The following CSMD1 variants were observed in gnomAD, a reference collection of about 807,000 sequenced individuals.
CSMD1 encodes CUB and Sushi multiple domains 1, also known as CUB and sushi domain-containing protein 1.
Under a neutral mutation model 417.5 loss-of-function variants are expected in CSMD1, and 213 were observed. The observed-to-expected ratio is 0.51, with a 90% CI of 0.46 to 0.57. The LOEUF (loss-of-function observed/expected upper bound fraction) is 0.57, where lower values mean the gene tolerates loss of function less well. Ranked by LOEUF, CSMD1 falls within the 20% of genes least tolerant of loss-of-function variation. The pLI, the probability that CSMD1 is intolerant of heterozygous loss-of-function variation, is 0.00. For missense variants in CSMD1, 6,923 were observed against 4,529.7 expected (o/e 1.53, Z -15.17); for synonymous variants, 2,862 against 1,736.8 (o/e 1.65, Z -16.11).
chr8:3,001,647 G>A (rs1353638484), intron 52 of CSMD1, among the ~76,000 whole-genome samples: 1 of 152,202 alleles, frequency 6.6e-6, no homozygotes, highest in African/African-American at 2.4e-5. Context: ...GCAATAAAGT[G>A]AGAGTACCCG....
intron 2 of CSMD1, among the ~76,000 whole-genome samples, chr8:4,496,611 C>T (rs62479715): frequency 6.6e-6 from 1 of 152,062 alleles, no homozygotes; most frequent in African/African-American, 2.4e-5. Context: ...TATTGTTATT[C>T]CTGGTTTGTT....
intron 7 of CSMD1, among the ~76,000 whole-genome samples, chr8:3,629,395 T>C (rs964773678): frequency 6.6e-6 from 1 of 152,218 alleles, no homozygotes; most frequent in Non-Finnish European, 1.5e-5. Context: ...CATATAGTTA[T>C]TGTTGGAAAT....
At chr8:3,192,744 C>A (rs1796497358) in intron 33 of CSMD1, among the ~76,000 whole-genome samples, 1 of 152,140 alleles carries the variant, frequency 6.6e-6, no homozygotes, top group African/African-American at 2.4e-5. Flanking sequence ...ATTTGTCCAT[C>A]ACAGGAGGTC....
At chr8:4,768,684 G>A (rs982756329) in intron 1 of CSMD1, among the ~76,000 whole-genome samples, 2 of 152,150 alleles carry the variant, frequency 1.3e-5, no homozygotes, top group African/African-American at 2.4e-5. Context: ...AGGTGTTGGC[G>A]TTCCCAAACA....
At chr8:4,807,727 C>G (rs552859609) in intron 1 of CSMD1, among the ~76,000 whole-genome samples, 1 of 152,226 alleles carries the variant, frequency 6.6e-6, no homozygotes, top group South Asian at 2.1e-4. Context: ...AAAAATACTA[C>G]CTGTAGTCTT....
At chr8:4,374,037 C>T (rs778009856) in intron 3 of CSMD1, among the ~76,000 whole-genome samples, 7 of 152,108 alleles carry the variant, frequency 4.6e-5, no homozygotes, top group Admixed American at 3.3e-4. Context: ...AGTAAAAATA[C>T]GTGATCAAAT....
chr8:3,044,837 T>C (rs1257415040), intron 50 of CSMD1, among the ~76,000 whole-genome samples: 5 of 152,208 alleles, frequency 3.3e-5, no homozygotes, highest in Non-Finnish European at 7.3e-5. Flanking sequence ...CTGATCTACA[T>C]ATTACTGCAA....
intron 10 of CSMD1, among the ~76,000 whole-genome samples, chr8:3,537,771 A>C (rs117741756): frequency 6.6e-6 from 1 of 152,218 alleles, no homozygotes; most frequent in Non-Finnish European, 1.5e-5. Context: ...TAAAACAAGA[A>C]CACTTCACCA....
At chr8:4,247,072 G>A (rs916026292) in intron 3 of CSMD1, among the ~76,000 whole-genome samples, 6 of 152,226 alleles carry the variant, frequency 3.9e-5, no homozygotes, top group East Asian at 1.9e-4. Context: ...ACATCCAAGG[G>A]CTACCCCATG....
intron 1 of CSMD1, among the ~76,000 whole-genome samples, chr8:4,770,092 T>G (rs1407429181): frequency 6.6e-6 from 1 of 151,796 alleles, no homozygotes; most frequent in Non-Finnish European, 1.5e-5. Context: ...AGATACTTCA[T>G]GCTCATAGAT....
chr8:3,846,602 A>C (rs957772180), intron 5 of CSMD1, among the ~76,000 whole-genome samples: 1 of 152,190 alleles, frequency 6.6e-6, no homozygotes, highest in South Asian at 2.1e-4. Flanking sequence ...AATATTCACA[A>C]ACATTAGCAG....
intron 1 of CSMD1, among the ~76,000 whole-genome samples, chr8:4,936,071 T>G (rs1409680010): frequency 2.0e-5 from 3 of 152,214 alleles, no homozygotes; most frequent in Non-Finnish European, 2.9e-5. Flanking sequence ...AAAGGGAAAT[T>G]GAAATCATCA....
At chr8:4,323,631 T>G (rs995843441) in intron 3 of CSMD1, among the ~76,000 whole-genome samples, 13 of 151,848 alleles carry the variant, frequency 8.6e-5, no homozygotes, top group African/African-American at 3.1e-4. Context: ...CCAGAAGACA[T>G]AAGGAGAAAA....
chr8:4,402,255 A>G (rs1220883304), intron 3 of CSMD1, among the ~76,000 whole-genome samples: 2 of 151,974 alleles, frequency 1.3e-5, no homozygotes, highest in Admixed American at 1.3e-4. Context: ...GGAACATCAT[A>G]AACTGCAAAT....
At chr8:4,573,234 G>T (rs1798970386) in intron 2 of CSMD1, among the ~76,000 whole-genome samples, 1 of 152,152 alleles carries the variant, frequency 6.6e-6, no homozygotes, top group African/African-American at 2.4e-5. Context: ...TTTTGTGCTG[G>T]TTTTTCCTCA....
chr8:4,238,175 T>C (rs937566580), intron 3 of CSMD1, among the ~76,000 whole-genome samples: 3 of 152,196 alleles, frequency 2.0e-5, no homozygotes, highest in African/African-American at 4.8e-5. Context: ...AAGGACATCT[T>C]AGAATGCCAA....
intron 3 of CSMD1, among the ~76,000 whole-genome samples, chr8:4,166,984 C>A (rs575830424): frequency 6.6e-6 from 1 of 152,316 alleles, no homozygotes; most frequent in East Asian, 1.9e-4. Context: ...GTGCTTTCTG[C>A]CTGCCCCTGT....
At chr8:3,111,401 A>G (rs1007641404) in intron 42 of CSMD1, among the ~76,000 whole-genome samples, 4 of 152,196 alleles carry the variant, frequency 2.6e-5, no homozygotes, top group Non-Finnish European at 2.9e-5. Flanking sequence ...TTACTGCGTA[A>G]TTATTACTAA....
At chr8:4,412,590 CA>C (rs77738741) in intron 3 of CSMD1, among the ~76,000 whole-genome samples, 4,873 of 152,242 alleles carry the variant, frequency 0.032, 101 homozygotes, top group South Asian at 0.086. Context: ...TACAGCCTCA[CA>C]AGTGGAATTT....
Sources: gnomAD v4.1 joint callset for allele counts (sites outside exome capture counted in the v4.1 genomes callset) on GRCh38, gnomAD v4.1.1 for gene constraint, MANE v1.5 for transcripts, NCBI Gene and HGNC (gene_info 2026-07-23, HGNC 2026-07-21) for gene names.